Variants in PACRG observed in about 807,000 individuals in gnomAD.
PACRG encodes the protein parkin coregulated gene protein.
Under a neutral mutation model 29.7 loss-of-function variants are expected in PACRG, and 29 were observed. The observed-to-expected ratio is 0.98, with a 90% CI of 0.73 to 1.33. The LOEUF (loss-of-function observed/expected upper bound fraction) is 1.33. PACRG is among the 40% of genes most tolerant of loss of function. The probability of loss-of-function intolerance (pLI) is 0.00; values close to 1 mark genes in which losing one functional copy is unlikely to be tolerated. For synonymous variants in PACRG, 116 were observed against 118.7 expected (o/e 0.98, Z 0.15); for missense variants, 279 against 316.2 (o/e 0.88, Z 0.89).
At chr6:163,024,469 T>C (rs1806933084) in intron 2 of PACRG, among the ~76,000 whole-genome samples, 1 of 152,246 alleles carries the variant, frequency 6.6e-6, no homozygotes, top group South Asian at 2.1e-4. Flanking sequence ...GCTGTTATGG[T>C]TACTATAGGC....
chr6:162,874,151 A>AAAAAT (rs67812561), intron 2 of PACRG, among the ~76,000 whole-genome samples: 5,286 of 136,056 alleles, frequency 0.039, 172 homozygotes, highest in African/African-American at 0.084. Context: ...AAAAAAAAAA[A>AAAAAT]ATATATATAT....
rs537565039 is a variant in PACRG, at chr6:162,949,280, C to T, written c.292-112870C>T. On this transcript the variant is annotated intron_variant, in intron 2 of 4. Transcript: ENST00000366888. ...AAAATTAATAGTGCATGTTCTCCCT[C>T]ATATGTGGGAGCTTAAAAAATGTTG... 3.2e-3 allele frequency among the ~76,000 whole-genome samples: 483 copies of T among 152,162 alleles called. 1 individual carries two copies. Among genetic ancestry groups the T allele is most frequent in the Non-Finnish European group, 5.2e-3 (351 of 67,978 alleles).
intron 1 of PACRG, among the ~76,000 whole-genome samples, chr6:162,732,969 A>G (rs890544619): frequency 6.6e-6 from 1 of 152,216 alleles, no homozygotes; most frequent in African/African-American, 2.4e-5. Flanking sequence ...CCAAGGAAAT[A>G]AACTCATATT....
intron 2 of PACRG, among the ~76,000 whole-genome samples, chr6:162,998,128 C>T (rs572566740): frequency 2.6e-5 from 4 of 152,296 alleles, no homozygotes; most frequent in South Asian, 2.1e-4. Flanking sequence ...GCTGGTAGTG[C>T]GTCATAATAG....
At chr6:163,213,158 G>A (rs1006923534) in intron 4 of PACRG, among the ~76,000 whole-genome samples, 5 of 152,168 alleles carry the variant, frequency 3.3e-5, no homozygotes, top group African/African-American at 1.2e-4. Flanking sequence ...GCAGCTGATG[G>A]AGCACAGTGG....
At chr6:162,969,941 A>C (rs1258215782) in intron 2 of PACRG, among the ~76,000 whole-genome samples, 1 of 152,194 alleles carries the variant, frequency 6.6e-6, no homozygotes, top group Non-Finnish European at 1.5e-5. Context: ...GAGCACAGGA[A>C]GCTGGCTTAC....
chr6:162,928,622 G>A (rs1236926422), intron 2 of PACRG, among the ~76,000 whole-genome samples: 2 of 151,838 alleles, frequency 1.3e-5, no homozygotes, highest in Admixed American at 6.6e-5. Flanking sequence ...AGAAAGATTT[G>A]AATTATTCTC....
chr6:162,770,139 C>CT (rs1783105925), intron 1 of PACRG, among the ~76,000 whole-genome samples: 1 of 152,126 alleles, frequency 6.6e-6, no homozygotes, highest in Admixed American at 6.5e-5. Context: ...GCTGCTAAGG[C>CT]TTTTTAAACT....
intron 1 of PACRG, among the ~76,000 whole-genome samples, chr6:162,780,297 G>A (rs1783998345): frequency 6.6e-6 from 1 of 152,142 alleles, no homozygotes; most frequent in African/African-American, 2.4e-5. Context: ...TGGTAAAAAT[G>A]CTAATTTAGG....
chr6:163,206,037 T>C (rs1159896963), intron 4 of PACRG, among the ~76,000 whole-genome samples: 2 of 152,114 alleles, frequency 1.3e-5, no homozygotes, highest in Non-Finnish European at 2.9e-5. Context: ...TCAGAATGGC[T>C]ATTGCTAAAA....
chr6:162,874,151 A>AATATAT (rs1554296145), intron 2 of PACRG, among the ~76,000 whole-genome samples: 2,983 of 136,194 alleles, frequency 0.022, 51 homozygotes, highest in African/African-American at 0.028. Flanking sequence ...AAAAAAAAAA[A>AATATAT]ATATATATAT....
chr6:162,792,309 A>G (rs529552938), intron 1 of PACRG, among the ~76,000 whole-genome samples: 1 of 152,132 alleles, frequency 6.6e-6, no homozygotes, highest in Non-Finnish European at 1.5e-5. Context: ...GGGCAGAAAT[A>G]GGAGTAAGGG....
chr6:163,309,029 A>AT (rs143771127), intron 4 of PACRG, among the ~76,000 whole-genome samples: 22 of 151,684 alleles, frequency 1.5e-4, no homozygotes, highest in East Asian at 1.4e-3. Flanking sequence ...TTCTGTCAGC[A>AT]TTTTTTTTTT....
chr6:162,968,868 G>A (rs1045931316), intron 2 of PACRG, among the ~76,000 whole-genome samples: 5 of 151,804 alleles, frequency 3.3e-5, no homozygotes, highest in Non-Finnish European at 5.9e-5. Context: ...CCAACATGGC[G>A]AAACCCCGTC....
At chr6:162,782,015 A>G (rs1284937909) in intron 1 of PACRG, among the ~76,000 whole-genome samples, 1 of 151,882 alleles carries the variant, frequency 6.6e-6, no homozygotes, top group Non-Finnish European at 1.5e-5. Context: ...TATTCTGCCT[A>G]CAAGAAACCC....
chr6:162,930,123 T>C (rs2128105168), intron 2 of PACRG, among the ~76,000 whole-genome samples: 1 of 152,078 alleles, frequency 6.6e-6, no homozygotes, highest in Non-Finnish European at 1.5e-5. Context: ...AAAATATATA[T>C]TTCTGTTAAG....
intron 4 of PACRG, among the ~76,000 whole-genome samples, chr6:163,290,278 G>GCA (rs3064946): frequency 0.088 from 10,074 of 114,152 alleles, 443 homozygotes; most frequent in South Asian, 0.13. Flanking sequence ...GCGCGCGCGC[G>GCA]CACACACACA....
intron 4 of PACRG, among the ~76,000 whole-genome samples, chr6:163,252,560 C>T (rs559428859): frequency 9.2e-5 from 14 of 152,148 alleles, no homozygotes; most frequent in African/African-American, 2.2e-4. Context: ...GTGCTGCAGG[C>T]GGGGCTCACC....
chr6:163,270,827 G>A (rs1358088124), intron 4 of PACRG, among the ~76,000 whole-genome samples: 1 of 152,084 alleles, frequency 6.6e-6, no homozygotes, highest in African/African-American at 2.4e-5. Context: ...TGAGAGTGAC[G>A]ATTTCCCTAC....
Sources: allele counts gnomAD v4.1 joint callset (sites outside exome capture counted in the v4.1 genomes callset), GRCh38; gene constraint gnomAD v4.1.1; transcripts MANE v1.5; gene names NCBI Gene and HGNC (gene_info 2026-07-23, HGNC 2026-07-21).